Variants in MAGI2 observed in about 807,000 individuals in gnomAD.
MAGI2 encodes the protein membrane associated guanylate kinase, WW and PDZ domain containing 2.
MAGI2 carries 35 observed loss-of-function variants against 133.3 expected under a neutral mutation model. The ratio of observed to expected loss-of-function variants is 0.26; its 90% CI spans 0.20 to 0.35. The LOEUF (loss-of-function observed/expected upper bound fraction) is 0.35. Among genes scored for constraint, MAGI2 ranks in the 10% least tolerant of loss-of-function variants. The pLI is 1.00. For synonymous variants in MAGI2, 729 were observed against 710.6 expected (o/e 1.03, Z -0.41); for missense variants, 1,636 against 1,863.4 (o/e 0.88, Z 2.25).
chr7:78,152,839 A>G (rs1476521464), intron 16 of MAGI2, among the ~76,000 whole-genome samples: 1 of 152,164 alleles, frequency 6.6e-6, no homozygotes, highest in African/African-American at 2.4e-5. Context: ...TGAGTGAGCC[A>G]CTCTCAGCAT....
intron 2 of MAGI2, chr7:78,946,658 C>T (rs1260191784): frequency 6.6e-6 from 1 of 152,140 alleles, no homozygotes; most frequent in Non-Finnish European, 1.5e-5. Context: ...TCAAGTACTG[C>T]TTCTGGGTTA....
chr7:79,083,795 C>A (rs1371300348), intron 1 of MAGI2, among the ~76,000 whole-genome samples: 1 of 151,650 alleles, frequency 6.6e-6, no homozygotes, highest in Admixed American at 6.6e-5. Flanking sequence ...AACATCTGGG[C>A]CTGCAATTCT....
intron 2 of MAGI2, among the ~76,000 whole-genome samples, chr7:78,706,356 G>T (rs1818644122): frequency 6.6e-6 from 1 of 150,930 alleles, no homozygotes; most frequent in Non-Finnish European, 1.5e-5. Context: ...TATAAGAAGT[G>T]CCTTTCACCC....
intron 2 of MAGI2, among the ~76,000 whole-genome samples, chr7:78,855,704 G>T (rs1207824): frequency 1.2e-4 from 19 of 152,034 alleles, no homozygotes; most frequent in African/African-American, 4.4e-4. Flanking sequence ...GAATAGTGCC[G>T]CAATAAACAT....
intron 2 of MAGI2, among the ~76,000 whole-genome samples, chr7:78,808,739 A>G (rs183091812): frequency 1.3e-5 from 2 of 152,354 alleles, no homozygotes; most frequent in South Asian, 2.1e-4. Flanking sequence ...TAATTCAAAT[A>G]GGGTGAACCA....
In MAGI2 at chr7:79,253,891, A is replaced by G. The variant is rs868211975; in HGVS notation, c.301+199129T>C. Among the ~76,000 whole-genome samples, 9 of 152,342 alleles carry G rather than the reference A, an allele frequency of 5.9e-5. 1 individual carries two copies. Among genetic ancestry groups the G allele is most frequent in the Non-Finnish European group, 1.0e-4 (7 of 68,030 alleles). On this transcript the variant is annotated intron_variant, in intron 1 of 21. Coordinates refer to ENST00000354212, the MANE Select transcript of MAGI2 (RefSeq NM_012301.4). ...AATAATGTACACATATAGTCTGCCAAGTTGACTATAGGATAAGTACCTTGA... is the reference window on the plus strand; with the variant it reads ...AATAATGTACACATATAGTCTGCCAGGTTGACTATAGGATAAGTACCTTGA...
chr7:78,414,393 A>G lies in MAGI2; in HGVS notation c.1046-45180T>C, dbSNP rs1016122075. Among the ~76,000 whole-genome samples the G allele has an allele frequency of 1.3e-4, 20 of 152,160 alleles. 1 individual carries two copies. Among genetic ancestry groups the G allele is most frequent in the Middle Eastern group, 6.8e-3 (2 of 294 alleles). On this transcript the variant is annotated intron_variant, in intron 6 of 21. Transcript: ENST00000354212. ...AACATGAAAAAATACATATACAGAG[A>G]AAAGACTGGAAGGAAATGCACTAAA...
In MAGI2 at chr7:78,044,681, G is replaced by GTA. The variant is rs1448523192; in HGVS notation, c.3707-24706_3707-24705insTA. 3.8e-4 allele frequency among the ~76,000 whole-genome samples: 39 copies of GTA among 102,578 alleles called. No homozygotes were observed. The Middle Eastern group carries it at 0.013, about 34-fold the overall frequency. The allele number at this position is 102,578 out of a possible 152,430, so 67.3% of individuals were successfully genotyped here. A position where few individuals can be genotyped will look rare whatever the true frequency, so the allele number is the denominator to read the frequency against. ...GTGCCTTGTGAGGCTAATGTACCGT[G>GTA]TGTGTGTGTGTGTGTGTGTGTGTGC... is the stretch of plus-strand genomic sequence containing the variant. On this transcript the variant is annotated intron_variant, in intron 21 of 21. Coordinates refer to ENST00000354212, the MANE Select transcript of MAGI2 (RefSeq NM_012301.4).
At chr7:78,873,337 T>C (rs1422867029) in intron 2 of MAGI2, among the ~76,000 whole-genome samples, 2 of 152,078 alleles carry the variant, frequency 1.3e-5, no homozygotes, top group East Asian at 3.9e-4. Flanking sequence ...GAGCTGCGGG[T>C]GAGATTCGTC....
chr7:78,251,919 T>C (rs931493726), intron 10 of MAGI2: 1 of 151,998 alleles, frequency 6.6e-6, no homozygotes, highest in African/African-American at 2.4e-5. Context: ...GGCAGGAGGA[T>C]TGCGTGAGCC....
chr7:78,452,207 G>A (rs1413371409), intron 6 of MAGI2, among the ~76,000 whole-genome samples: 2 of 151,958 alleles, frequency 1.3e-5, no homozygotes, highest in Non-Finnish European at 2.9e-5. Flanking sequence ...GACTTAGAAG[G>A]TAAAATAACT....
At chr7:79,070,070 T>C (rs1392932787) in intron 1 of MAGI2, among the ~76,000 whole-genome samples, 1 of 152,112 alleles carries the variant, frequency 6.6e-6, no homozygotes, top group Non-Finnish European at 1.5e-5. Context: ...GTGAATCTAA[T>C]GATTATGTGT....
intron 2 of MAGI2, among the ~76,000 whole-genome samples, chr7:78,844,723 AG>A (rs1441831844): frequency 1.3e-5 from 2 of 151,892 alleles, no homozygotes; most frequent in Non-Finnish European, 2.9e-5. Flanking sequence ...TTCTGGAGTC[AG>A]AAACTGATGG....
chr7:78,414,459 CTTTA>C (rs1798121793), intron 6 of MAGI2, among the ~76,000 whole-genome samples: 1 of 151,818 alleles, frequency 6.6e-6, no homozygotes, highest in African/African-American at 2.4e-5. Flanking sequence ...TGTTGTTGGG[CTTTA>C]TTTTATTCTT....
Position 78,019,897 on chromosome 7 carries a change from G to C in MAGI2, c.3786C>G (p.Leu1262=), listed in dbSNP as rs140932089. Reference sequence around the variant, plus strand: ...CTGGATGTGATGGAGAGAATGGAGCGAGGCCGTCGTCCAGGGAGACGCCTA... The same window carrying C: ...CTGGATGTGATGGAGAGAATGGAGCCAGGCCGTCGTCCAGGGAGACGCCTA... ...PEVGVSLDDG[L]APFSPSHPAP... Residue 1262 remains leucine, a synonymous_variant, in exon 22 of 22, where the codon CTC becomes CTG. Coordinates refer to ENST00000354212, the MANE Select transcript of MAGI2 (RefSeq NM_012301.4). 219 of 1,611,408 alleles carry C rather than the reference G, an allele frequency of 1.4e-4. No homozygotes were observed. In the African/African-American group the frequency reaches 2.5e-3, roughly 18 times the overall value.
intron 1 of MAGI2, among the ~76,000 whole-genome samples, chr7:79,406,440 T>C (rs1444478119): frequency 2.0e-5 from 3 of 152,114 alleles, no homozygotes; most frequent in Admixed American, 6.6e-5. Context: ...TTATTGAAAA[T>C]GAGACTACTA....
At chr7:78,112,068 G>C (rs7788139) in intron 20 of MAGI2, among the ~76,000 whole-genome samples, 43,567 of 151,828 alleles carry the variant, frequency 0.29, 6,873 homozygotes, top group Non-Finnish European at 0.37. Context: ...ACTTCCTTAG[G>C]TCATTTGTCT....
At chr7:78,468,005 AG>A (rs977044384) in intron 6 of MAGI2, among the ~76,000 whole-genome samples, 5 of 152,146 alleles carry the variant, frequency 3.3e-5, no homozygotes, top group African/African-American at 1.2e-4. Flanking sequence ...ACAGAAGTGG[AG>A]GGAAAAGTTT....
intron 1 of MAGI2, among the ~76,000 whole-genome samples, chr7:79,144,866 A>G (rs898360047): frequency 1.3e-5 from 2 of 152,042 alleles, no homozygotes; most frequent in African/African-American, 4.8e-5. Flanking sequence ...CAACCCCTCT[A>G]TTTATCTTTC....
Sources: allele counts gnomAD v4.1 joint callset (sites outside exome capture counted in the v4.1 genomes callset), GRCh38; gene constraint gnomAD v4.1.1; transcripts MANE v1.5; gene names NCBI Gene and HGNC (gene_info 2026-07-23, HGNC 2026-07-21).